Variants in QTGAL observed in about 807,000 individuals in gnomAD.
QTGAL encodes queuosine-tRNA galactosyltransferase.
the QTGAL span, among the ~76,000 whole-genome samples, chr17:83,043,754 C>G: frequency 6.6e-6 from 1 of 151,708 alleles, no homozygotes; most frequent in African/African-American, 2.4e-5. Flanking sequence ...ATTGACAAAC[C>G]CAGCTAGACT....
the QTGAL span, among the ~76,000 whole-genome samples, chr17:83,045,761 A>C: frequency 2.2e-4 from 33 of 152,232 alleles, no homozygotes; most frequent in Non-Finnish European, 4.0e-4. Flanking sequence ...TCAATTTTTA[A>C]AATGGCCAAA....
At chr17:82,942,845 T>C in the QTGAL span, 14 of 324,858 alleles carry the variant, frequency 4.3e-5, no homozygotes, top group Admixed American at 5.7e-4. Context: ...CTGTCCCTGC[T>C]GTGGGAGACG....
chr17:82,958,572 T>C, the QTGAL span, among the ~76,000 whole-genome samples: 5 of 150,956 alleles, frequency 3.3e-5, no homozygotes, highest in African/African-American at 4.9e-5. Flanking sequence ...TGGCACCCCC[T>C]GTTTGTAGCA....
At chr17:82,981,979 TCCAA>T in the QTGAL span, among the ~76,000 whole-genome samples, 1 of 152,186 alleles carries the variant, frequency 6.6e-6, no homozygotes, top group South Asian at 2.1e-4. Flanking sequence ...CACAAAGGCC[TCCAA>T]CCTTCTCACC....
the QTGAL span, chr17:82,949,659 G>A: frequency 9.9e-5 from 15 of 152,130 alleles, no homozygotes; most frequent in Admixed American, 3.9e-4. Context: ...GAGCGTCGGC[G>A]TCAGGGAGAC....
chr17:82,998,362 T>G, the QTGAL span, among the ~76,000 whole-genome samples: 1 of 152,228 alleles, frequency 6.6e-6, no homozygotes, highest in African/African-American at 2.4e-5. Flanking sequence ...TTGTTTTGTT[T>G]TGAGACGGAG....
the QTGAL span, among the ~76,000 whole-genome samples, chr17:83,009,878 C>A: frequency 6.6e-6 from 1 of 151,606 alleles, no homozygotes. Flanking sequence ...GCATTTTTGA[C>A]ACTAACATCA....
the QTGAL span, among the ~76,000 whole-genome samples, chr17:82,984,334 G>A: frequency 0.083 from 5,368 of 65,046 alleles, 1,140 homozygotes; most frequent in African/African-American, 0.24. Context: ...GGCCACGTGA[G>A]CACACGGGGA....
At chr17:83,010,833 C>A in the QTGAL span, among the ~76,000 whole-genome samples, 1 of 152,202 alleles carries the variant, frequency 6.6e-6, no homozygotes. Flanking sequence ...ATTCCCCCGA[C>A]AGGCAAGCTG....
chr17:83,041,636 G>A, the QTGAL span, among the ~76,000 whole-genome samples: 1 of 152,220 alleles, frequency 6.6e-6, no homozygotes, highest in Non-Finnish European at 1.5e-5. Flanking sequence ...AGGTAAACCT[G>A]CTGTAAGTTT....
chr17:83,036,210 C>G, the QTGAL span, among the ~76,000 whole-genome samples: 1 of 152,242 alleles, frequency 6.6e-6, no homozygotes, highest in African/African-American at 2.4e-5. Flanking sequence ...AAGAAGGCAC[C>G]CTCCAGGGCT....
chr17:83,035,026 G>A, the QTGAL span: 1 of 1,590,384 alleles, frequency 6.3e-7, no homozygotes, highest in East Asian at 2.2e-5. Flanking sequence ...ACAAAAGAAA[G>A]TTACTTACCG....
chr17:82,986,786 G>A, the QTGAL span, among the ~76,000 whole-genome samples: 11 of 152,226 alleles, frequency 7.2e-5, no homozygotes, highest in Non-Finnish European at 1.6e-4. Flanking sequence ...AATTCAGAAA[G>A]CATTTCATTA....
the QTGAL span, among the ~76,000 whole-genome samples, chr17:83,031,259 C>T: frequency 3.9e-5 from 6 of 151,960 alleles, no homozygotes; most frequent in African/African-American, 9.7e-5. Context: ...AGAGCACCCA[C>T]GGGTCCCTCG....
the QTGAL span, among the ~76,000 whole-genome samples, chr17:83,049,594 G>C: frequency 6.6e-6 from 1 of 151,782 alleles, no homozygotes; most frequent in African/African-American, 2.4e-5. Context: ...TAAGCATTTC[G>C]GCAAACCATG....
At chr17:82,996,142 G>A in the QTGAL span, among the ~76,000 whole-genome samples, 10 of 152,196 alleles carry the variant, frequency 6.6e-5, no homozygotes, top group Non-Finnish European at 4.4e-5. Context: ...TTCGAAGAAC[G>A]ACTATTGTTA....
the QTGAL span, among the ~76,000 whole-genome samples, chr17:82,994,586 C>T: frequency 6.6e-6 from 1 of 152,098 alleles, no homozygotes; most frequent in Non-Finnish European, 1.5e-5. Flanking sequence ...AAGCCTGGGA[C>T]CCAATGGCTT....
At chr17:83,043,599 T>C in the QTGAL span, among the ~76,000 whole-genome samples, 1 of 151,896 alleles carries the variant, frequency 6.6e-6, no homozygotes, top group African/African-American at 2.4e-5. Context: ...AAGTACACCT[T>C]AAGAAGCTAG....
chr17:82,991,271 C>G, the QTGAL span, among the ~76,000 whole-genome samples: 1 of 152,106 alleles, frequency 6.6e-6, no homozygotes, highest in Non-Finnish European at 1.5e-5. Context: ...ACCCAAATCT[C>G]ATCTTGAATT....
Sources: allele counts gnomAD v4.1 joint callset (sites outside exome capture counted in the v4.1 genomes callset), GRCh38; gene constraint gnomAD v4.1.1; transcripts MANE v1.5; gene names NCBI Gene and HGNC (gene_info 2026-07-23, HGNC 2026-07-21).